Variants in USP25 observed in about 807,000 individuals in gnomAD.
USP25 encodes ubiquitin specific peptidase 25.
USP25 carries 85 observed loss-of-function variants against 158.5 expected under a neutral mutation model. The observed-to-expected ratio is 0.54, with a 90% CI of 0.45 to 0.64. The LOEUF is 0.64. USP25 is among the 30% of genes least tolerant of loss of function. USP25 has a pLI of 0.00. For missense variants in USP25, 1,242 were observed against 1,327.3 expected, an observed-to-expected ratio of 0.94 and a Z score of 1.00; for synonymous variants, 464 against 460.4, an observed-to-expected ratio of 1.01 and a Z score of -0.10.
chr21:15,811,362 A>G (rs1199667479), intron 9 of USP25, 152 bp downstream of exon 9: 3 of 664,424 alleles, frequency 4.5e-6, no homozygotes, highest in Non-Finnish European at 5.0e-6. Flanking sequence ...TTATTCACAT[A>G]AAGCACAGAA....
chr21:15,874,074 C>T (rs371105774), intron 23 of USP25, among the ~76,000 whole-genome samples: 116 of 152,222 alleles, frequency 7.6e-4, no homozygotes, highest in Middle Eastern at 3.4e-3. Context: ...CACATTAGCT[C>T]CAATTTTGAG....
intron 9 of USP25, among the ~76,000 whole-genome samples, chr21:15,815,000 A>T (rs1394541352): frequency 1.3e-5 from 2 of 152,138 alleles, no homozygotes; most frequent in Non-Finnish European, 2.9e-5. Context: ...AGGAAAAAAT[A>T]GTTTCGTGGG....
Position 15,879,485 on chromosome 21 carries a change from T to C in USP25, c.*1010T>C, listed in dbSNP as rs1278509291. The C allele has an allele frequency of 6.6e-6, 1 of 152,494 alleles. No individual in the cohort carries two copies. The highest frequency in any genetic ancestry group is 2.4e-5 in the African/African-American group (1 of 41,446). 9.4% of individuals were successfully genotyped at this position (152,494 alleles called of 1,614,324 possible). On this transcript the variant is annotated 3_prime_UTR_variant, in exon 26 of 26. Coordinates refer to ENST00000400183, the MANE Select transcript of USP25 (RefSeq NM_001283041.3). Reference sequence around the variant, plus strand: ...TGAAACAAAATTGATGTTGTTTAACTAGAAGTTATGAGTATCTTAACTGCC... The same window carrying C: ...TGAAACAAAATTGATGTTGTTTAACCAGAAGTTATGAGTATCTTAACTGCC...
At chr21:15,801,642 G>A (rs530378706) in intron 6 of USP25, among the ~76,000 whole-genome samples, 3 of 151,630 alleles carry the variant, frequency 2.0e-5, no homozygotes, top group Admixed American at 6.6e-5. Flanking sequence ...AAAGGCGTGA[G>A]TGTAACTTGT....
chr21:15,746,671 C>T (rs966489997), intron 1 of USP25, among the ~76,000 whole-genome samples: 7 of 152,156 alleles, frequency 4.6e-5, no homozygotes, highest in Non-Finnish European at 1.0e-4. Flanking sequence ...GCTGGGATTA[C>T]AGTTGTGAGC....
intron 9 of USP25, among the ~76,000 whole-genome samples, chr21:15,817,923 G>GA (rs1568844600): frequency 2.6e-5 from 4 of 151,984 alleles, no homozygotes; most frequent in Non-Finnish European, 5.9e-5. Flanking sequence ...ATGTGGTGGG[G>GA]AAAAAAATTC....
chr21:15,827,281 G>A lies in USP25; in HGVS notation c.1693+78G>A, dbSNP rs562530663. On this transcript the variant is annotated intron_variant, in intron 14 of 25. Transcript: ENST00000400183. ...TGTTAATATTGAGAAGGGAAATCAC[G>A]TCTGGATTTTATATTTAAATATTAT... The A allele has an allele frequency of 8.3e-5, 99 of 1,190,350 alleles. 2 individuals carry two copies. The South Asian group carries it at 8.5e-4, about 10-fold the overall frequency. The allele number at this position is 1,190,350 out of a possible 1,614,324, so 73.7% of individuals were successfully genotyped here. A position where few individuals can be genotyped will look rare whatever the true frequency, so the allele number is the denominator to read the frequency against.
At chr21:15,824,945 A>G (rs1399975660) in intron 11 of USP25, 21 bp from the exon 12 acceptor site, 2 of 1,579,234 alleles carry the variant, frequency 1.3e-6, no homozygotes, top group South Asian at 1.1e-5. Context: ...GGAAATGCTA[A>G]TGATTACCTT....
chr21:15,808,701 G>T, intron 7 of USP25, 108 bp from the exon 8 acceptor site: 1 of 653,154 alleles, frequency 1.5e-6, no homozygotes. Context: ...TCTTTGTAAG[G>T]AGTTGGTAAT....
chr21:15,731,645 G>T (rs1266579773), intron 1 of USP25, among the ~76,000 whole-genome samples: 1 of 152,186 alleles, frequency 6.6e-6, no homozygotes, highest in Non-Finnish European at 1.5e-5. Context: ...TTTTAGGCAC[G>T]TTGGGAAAGT....
rs8133577 is a variant in USP25 at position 15,840,557 on chromosome 21, G to C, written c.2195-1841G>C. 7.9e-3 allele frequency among the ~76,000 whole-genome samples: 1,199 copies of C among 152,180 alleles called. 12 individuals are homozygous for C. The highest frequency in any genetic ancestry group is 0.025 in the African/African-American group (1,028 of 41,516). ...GAAACCACTCACTTAAGTTCCCTAGGAGGTATATACATAGGGCAAACCCCA... is the reference window on the plus strand; with the variant it reads ...GAAACCACTCACTTAAGTTCCCTAGCAGGTATATACATAGGGCAAACCCCA... On this transcript the variant is annotated intron_variant, in intron 17 of 25. Transcript: ENST00000400183.
Position 15,879,922 on chromosome 21 carries a change from T to C in USP25, c.*1447T>C, listed in dbSNP as rs1340107344. 6 of 152,256 alleles carry C rather than the reference T, an allele frequency of 3.9e-5. No individual in the cohort carries two copies. Among genetic ancestry groups the C allele is most frequent in the Non-Finnish European group, 7.3e-5 (5 of 68,028 alleles). 9.4% of individuals were successfully genotyped at this position (152,256 alleles called of 1,614,324 possible). A position where few individuals can be genotyped will look rare whatever the true frequency, so the allele number is the denominator to read the frequency against. On this transcript the variant is annotated 3_prime_UTR_variant, in exon 26 of 26. Transcript: ENST00000400183. ...TTTGCATATTGTATCTATCAAAATATGTTTGGGTTTAGATTTTAAGTTGTC... is the reference window on the plus strand; with the variant it reads ...TTTGCATATTGTATCTATCAAAATACGTTTGGGTTTAGATTTTAAGTTGTC...
At chr21:15,841,265 G>GCT (rs1428205441) in intron 17 of USP25, among the ~76,000 whole-genome samples, 2 of 152,002 alleles carry the variant, frequency 1.3e-5, no homozygotes, top group Non-Finnish European at 2.9e-5. Flanking sequence ...TCCCCCTGTT[G>GCT]CTCTCTCTCT....
At chr21:15,831,360 C>A (rs1223017177) in intron 15 of USP25, 41 bp from the exon 16 acceptor site, 1 of 1,579,792 alleles carries the variant, frequency 6.3e-7, no homozygotes, top group African/African-American at 1.4e-5. Flanking sequence ...ATATAGTAAA[C>A]TACATAATTG....
intron 16 of USP25, among the ~76,000 whole-genome samples, chr21:15,831,914 C>A (rs2037823106): frequency 6.6e-6 from 1 of 152,104 alleles, no homozygotes; most frequent in South Asian, 2.1e-4. Context: ...ATATTTAATT[C>A]CTTAGCCTAA....
At chr21:15,783,290 T>G (rs1013622364) in intron 4 of USP25, among the ~76,000 whole-genome samples, 1 of 152,098 alleles carries the variant, frequency 6.6e-6, no homozygotes, top group Non-Finnish European at 1.5e-5. Flanking sequence ...ATTCATATTA[T>G]GGGAGTGCCA....
At chr21:15,872,574 A>G (rs2039939968) in intron 23 of USP25, among the ~76,000 whole-genome samples, 2 of 152,188 alleles carry the variant, frequency 1.3e-5, no homozygotes, top group Non-Finnish European at 2.9e-5. Flanking sequence ...TAATATTATC[A>G]CTTCCTTCGT....
At chr21:15,825,638 T>C (rs1202654567) in intron 12 of USP25, among the ~76,000 whole-genome samples, 1 of 152,172 alleles carries the variant, frequency 6.6e-6, no homozygotes, top group African/African-American at 2.4e-5. Flanking sequence ...AGAAATGTTC[T>C]ACAGGCCAGA....
chr21:15,854,930 C>T (rs1431779067), intron 20 of USP25, among the ~76,000 whole-genome samples: 4 of 152,166 alleles, frequency 2.6e-5, no homozygotes, highest in African/African-American at 4.8e-5. Flanking sequence ...ATAGAAAATC[C>T]CCAAATAATA....
Sources: gnomAD v4.1 joint callset for allele counts (sites outside exome capture counted in the v4.1 genomes callset) on GRCh38, gnomAD v4.1.1 for gene constraint, MANE v1.5 for transcripts, NCBI Gene and HGNC (gene_info 2026-07-23, HGNC 2026-07-21) for gene names.